PFKFB1: variants seen among roughly 807,000 people sequenced by gnomAD.
PFKFB1 encodes the protein 6-phosphofructo-2-kinase/fructose-2,6-bisphosphatase 1.
PFKFB1 carries 34 observed loss-of-function variants against 46.4 expected under a neutral mutation model. That is an observed-to-expected ratio of 0.73 (90% CI 0.56 to 0.98). The LOEUF (loss-of-function observed/expected upper bound fraction) is 0.98. PFKFB1 is among the 50% of genes least tolerant of loss of function. The probability of loss-of-function intolerance (pLI) is 0.00; values close to 1 mark genes in which losing one functional copy is unlikely to be tolerated. For synonymous variants in PFKFB1, 119 were observed against 133.8 expected, an observed-to-expected ratio of 0.89 and a Z score of 0.76; for missense variants, 393 against 376.3, an observed-to-expected ratio of 1.04 and a Z score of -0.37.
chrX:54,942,131 A>G (rs1446925169), intron 10 of PFKFB1, among the ~76,000 whole-genome samples: 1 of 111,510 alleles, frequency 9.0e-6, no homozygotes, highest in African/African-American at 3.3e-5. Flanking sequence ...TTCTCAGCAA[A>G]CTATCTCAAG....
At chrX:54,994,362 C>T, upstream of PFKFB1, 1 of 754,425 alleles carries the variant, frequency 1.3e-6, no homozygotes, top group Non-Finnish European at 1.6e-6. Context: ...TGACCAGTCA[C>T]TTCCCTCCAA....
In PFKFB1 at chrX:54,963,280, T is replaced by C. The variant is rs1934373159; in HGVS notation, c.200A>G (p.Asn67Ser). The C allele has an allele frequency of 1.7e-6, 2 of 1,209,747 alleles. No homozygotes were observed. Among genetic ancestry groups the C allele is most frequent in the Non-Finnish European group, 2.2e-6 (2 of 893,811 alleles). ...ACCTTTAGTTGGTGTTCCTATCCAG[T>C]TGAGATATCGTGTGAGCTTTGTGGA... Reference protein sequence around the residue: ...YISTKLTRYLNWIGTPTKVFN... With the variant: ...YISTKLTRYLSWIGTPTKVFN... Residue 67 changes from asparagine (N) to serine (S), a missense_variant, in exon 2 of 14, where the codon AAC (asparagine) becomes AGC (serine). Physicochemically the swap from Asn to Ser is conservative, Grantham distance 46. Transcript: ENST00000375006.
intron 8 of PFKFB1, among the ~76,000 whole-genome samples, chrX:54,949,580 A>C (rs982876601): frequency 8.9e-6 from 1 of 112,050 alleles, no homozygotes; most frequent in Non-Finnish European, 1.9e-5. Flanking sequence ...TGCACAGTCT[A>C]TCTCTCCATT....
chrX:54,939,191 C>A (rs1461317057), intron 10 of PFKFB1, among the ~76,000 whole-genome samples: 1 of 111,497 alleles, frequency 9.0e-6, no homozygotes, highest in Non-Finnish European at 1.9e-5. Flanking sequence ...TTCTTTGAAA[C>A]CAACGAGAAC....
At chrX:54,969,330 C>T (rs1369752441) in intron 1 of PFKFB1, among the ~76,000 whole-genome samples, 3 of 111,466 alleles carry the variant, frequency 2.7e-5, no homozygotes, top group African/African-American at 9.8e-5. Context: ...AGTTTGGCCC[C>T]CACACTCGCA....
chrX:54,979,857 G>A (rs144406718), intron 1 of PFKFB1, among the ~76,000 whole-genome samples: 1,678 of 111,593 alleles, frequency 0.015, 20 homozygotes, highest in Non-Finnish European at 0.023. Flanking sequence ...AAGACTGGCC[G>A]TCCATTTTGT....
At chrX:54,993,781 T>G (rs1343484715) in intron 1 of PFKFB1, 130 bp downstream of exon 1, 17 of 901,311 alleles carry the variant, frequency 1.9e-5, no homozygotes, top group Non-Finnish European at 2.3e-5. Context: ...CTCTATTTCA[T>G]CCAGTTGTTC....
upstream of PFKFB1, chrX:54,994,919 T>TA (rs1161518217): frequency 1.5e-6 from 1 of 678,201 alleles, no homozygotes; most frequent in African/African-American, 2.4e-5. Context: ...ACATGGCTGT[T>TA]AGCCACCATC....
chrX:54,977,147 G>A (rs1267210969), intron 1 of PFKFB1, among the ~76,000 whole-genome samples: 1 of 111,116 alleles, frequency 9.0e-6, no homozygotes, highest in African/African-American at 3.3e-5. Context: ...CAAAATGTCT[G>A]AGCAACTCAA....
chrX:54,942,149 A>T (rs1197156780), intron 10 of PFKFB1, among the ~76,000 whole-genome samples: 1 of 111,452 alleles, frequency 9.0e-6, no homozygotes, highest in Non-Finnish European at 1.9e-5. Flanking sequence ...AAGGACAAAA[A>T]ACCAAACACC....
At position 54,952,097 on chromosome X, in the gene PFKFB1, G is replaced by C; in HGVS notation, c.654C>G (p.Ile218Met). The change falls in exon 8 of 14, where the codon ATC becomes ATG. Residue 218 changes from isoleucine to methionine, a missense_variant. By Grantham distance (10) the Ile-to-Met change is conservative. Transcript: ENST00000375006. ...AGCGTGTGCCCACGTCGAAGATCTT[G>C]ATGTAGGACAGGTGGCTGGGCCAGA... is the stretch of plus-strand genomic sequence containing the variant. Reference protein sequence around the residue: ...DEELDSHLSYIKIFDVGTRYM... With the variant: ...DEELDSHLSYMKIFDVGTRYM... 1.7e-6 allele frequency: 2 copies of C among 1,210,462 alleles called. No individual in the cohort carries two copies. The highest frequency in any genetic ancestry group is 1.1e-6 in the Non-Finnish European group (1 of 894,613).
chrX:54,987,934 G>A (rs1388746991), intron 1 of PFKFB1, among the ~76,000 whole-genome samples: 1 of 111,646 alleles, frequency 9.0e-6, no homozygotes, highest in Non-Finnish European at 1.9e-5. Flanking sequence ...AGTAACAACA[G>A]AAGGATGTCT....
At chrX:54,981,747 A>G (rs1273252261) in intron 1 of PFKFB1, among the ~76,000 whole-genome samples, 1 of 111,823 alleles carries the variant, frequency 8.9e-6, no homozygotes, top group Non-Finnish European at 1.9e-5. Context: ...CTAAGCAAGG[A>G]ACTTCTAGTT....
chrX:54,956,111 G>A (rs749487429), intron 7 of PFKFB1, 42 bp downstream of exon 7: 17 of 957,944 alleles, frequency 1.8e-5, no homozygotes, highest in Middle Eastern at 5.2e-4. Flanking sequence ...ATCAAAACTG[G>A]GTGAAAGATC....
intron 1 of PFKFB1, among the ~76,000 whole-genome samples, chrX:54,976,581 C>A (rs1203637097): frequency 3.6e-5 from 4 of 111,586 alleles, no homozygotes; most frequent in Non-Finnish European, 5.7e-5. Flanking sequence ...AACAGTTTGG[C>A]AGTTACTTTT....
At chrX:54,994,406 G>T (rs1323229812), upstream of PFKFB1, 1 of 752,310 alleles carries the variant, frequency 1.3e-6, no homozygotes, top group African/African-American at 2.3e-5. Context: ...GCAAATAAAA[G>T]ACCAAAGATC....
upstream of PFKFB1, chrX:54,994,452 G>A (rs1174097423): frequency 1.3e-6 from 1 of 752,399 alleles, no homozygotes; most frequent in African/African-American, 2.3e-5. Context: ...TAGAGGCAAA[G>A]GTGATGGAGG....
chrX:54,990,291 C>G (rs1374637855), intron 1 of PFKFB1, among the ~76,000 whole-genome samples: 1 of 110,197 alleles, frequency 9.1e-6, no homozygotes, highest in Non-Finnish European at 1.9e-5. Context: ...AAAAAAGGTG[C>G]AAATAAATAA....
At chrX:54,959,803 G>A (rs200818794) in intron 4 of PFKFB1, 24 bp downstream of exon 4, 98 of 1,121,755 alleles carry the variant, frequency 8.7e-5, no homozygotes, top group Non-Finnish European at 1.2e-4. Context: ...AGTTACCCAA[G>A]GAAAAAATAA....
Sources: allele counts gnomAD v4.1 joint callset (sites outside exome capture counted in the v4.1 genomes callset), GRCh38; gene constraint gnomAD v4.1.1; transcripts MANE v1.5; gene names NCBI Gene and HGNC (gene_info 2026-07-23, HGNC 2026-07-21).